Variants in IGSF23 observed in about 807,000 individuals in gnomAD.
The protein encoded by IGSF23 is immunoglobulin superfamily member 23.
In IGSF23, 14 loss-of-function variants were observed where a neutral mutation model predicts 17.8. The observed-to-expected ratio is 0.79, with a 90% CI of 0.52 to 1.23. The LOEUF is 1.23. IGSF23 is among the 50% of genes most tolerant of loss of function. IGSF23 has a pLI of 0.00. For missense variants in IGSF23, 214 were observed against 241.7 expected (o/e 0.89, Z 0.76); for synonymous variants, 85 against 92.5 (o/e 0.92, Z 0.46).
intron 3 of IGSF23, among the ~76,000 whole-genome samples, chr19:44,628,141 C>T (rs150611785): frequency 4.6e-5 from 7 of 152,092 alleles, no homozygotes; most frequent in East Asian, 1.9e-4. Flanking sequence ...GACAGGGTTT[C>T]GCCATGTTGG....
intron 2 of IGSF23, among the ~76,000 whole-genome samples, chr19:44,626,715 T>C (rs1305725160): frequency 6.6e-6 from 1 of 151,854 alleles, no homozygotes; most frequent in Admixed American, 6.6e-5. Context: ...CTGGCCAACA[T>C]GGTGAAGTAG....
chr19:44,630,142 A>G (rs1268432702), intron 3 of IGSF23, among the ~76,000 whole-genome samples: 1 of 152,146 alleles, frequency 6.6e-6, no homozygotes, highest in Non-Finnish European at 1.5e-5. Flanking sequence ...GTTGTGAGGA[A>G]GAGAAATCTG....
At position 44,627,400 on chromosome 19, in the gene IGSF23, C is replaced by G. The variant is rs1209314780; in HGVS notation, c.392-20C>G. Reference sequence around the variant, plus strand: ...GGCGGGCAGATGGCTCCTCCAATCTCACCCCTCCTTGGTCCCCAGAACCCA... The same window carrying G: ...GGCGGGCAGATGGCTCCTCCAATCTGACCCCTCCTTGGTCCCCAGAACCCA... On this transcript the variant is annotated intron_variant, in intron 2 of 4. Transcript: ENST00000402988. 1 of 1,493,828 alleles carries G rather than the reference C, an allele frequency of 6.7e-7. No homozygotes were observed. The highest frequency in any genetic ancestry group is 9.0e-7 in the Non-Finnish European group (1 of 1,110,664). 92.5% of individuals were successfully genotyped at this position (1,493,828 alleles called of 1,614,324 possible). A position where few individuals can be genotyped will look rare whatever the true frequency, so the allele number is the denominator to read the frequency against.
At chr19:44,627,792 G>A (rs1972687300) in intron 3 of IGSF23, among the ~76,000 whole-genome samples, 2 of 152,196 alleles carry the variant, frequency 1.3e-5, no homozygotes, top group Admixed American at 1.3e-4. Flanking sequence ...CTGGCTTCAA[G>A]TCCCAGCTCT....
intron 2 of IGSF23, among the ~76,000 whole-genome samples, chr19:44,625,990 T>C (rs1390547214): frequency 6.6e-6 from 1 of 152,166 alleles, no homozygotes; most frequent in Non-Finnish European, 1.5e-5. Flanking sequence ...CATGTGGAAC[T>C]GGGAGTCCAT....
At chr19:44,627,928 T>A (rs373569052) in intron 3 of IGSF23, among the ~76,000 whole-genome samples, 26 of 150,616 alleles carry the variant, frequency 1.7e-4, no homozygotes, top group African/African-American at 6.3e-4. Context: ...TGGGTTGTTG[T>A]GAGTGAATTT....
At chr19:44,614,634 G>C (rs1469808570) in intron 1 of IGSF23, among the ~76,000 whole-genome samples, 8 of 151,996 alleles carry the variant, frequency 5.3e-5, no homozygotes, top group Non-Finnish European at 1.5e-5. Flanking sequence ...GTCTTACTAT[G>C]TTGCCCAGGC....
At chr19:44,625,701 G>A (rs1194879914) in intron 2 of IGSF23, among the ~76,000 whole-genome samples, 1 of 152,080 alleles carries the variant, frequency 6.6e-6, no homozygotes, top group Admixed American at 6.6e-5. Flanking sequence ...ATTCATGGAG[G>A]GACACATGGT....
At chr19:44,616,756 A>C (rs1485024933) in intron 1 of IGSF23, among the ~76,000 whole-genome samples, 1 of 151,912 alleles carries the variant, frequency 6.6e-6, no homozygotes, top group Admixed American at 6.6e-5. Flanking sequence ...CTTGAAAAAA[A>C]AAAACAGTAA....
rs543189270 is a variant in IGSF23, at chr19:44,623,751, G to C, written c.170G>C (p.Gly57Ala). 3 of 1,551,072 alleles carry C rather than the reference G, an allele frequency of 1.9e-6. No individual in the cohort carries two copies. Among genetic ancestry groups the C allele is most frequent in the African/African-American group, 2.7e-5 (2 of 73,166 alleles). Residue 57 changes from glycine (G) to alanine (A), a missense_variant, in exon 2 of 5, where the codon GGA (glycine) becomes GCA (alanine). Physicochemically the swap from Gly to Ala is moderately conservative, Grantham distance 60. Coordinates refer to ENST00000402988, the MANE Select transcript of IGSF23 (RefSeq NM_001205280.2). ...AAGACATTCCCAGCTGCTATCCGGG[G>C]AGTCATCCAGAGTGAGCTCAACTAT... ...PLKTFPAAIR[G>A]VIQSELNYSV...
intron 3 of IGSF23, among the ~76,000 whole-genome samples, chr19:44,629,607 G>A (rs1972723554): frequency 6.8e-6 from 1 of 146,382 alleles, no homozygotes; most frequent in African/African-American, 2.5e-5. Context: ...ATCTTACCAT[G>A]TATTGAGCAC....
chr19:44,625,992 G>T (rs1309948967), intron 2 of IGSF23, among the ~76,000 whole-genome samples: 1 of 152,068 alleles, frequency 6.6e-6, no homozygotes, highest in Non-Finnish European at 1.5e-5. Context: ...TGTGGAACTG[G>T]GAGTCCATTA....
intron 1 of IGSF23, among the ~76,000 whole-genome samples, chr19:44,621,988 G>A (rs1050781710): frequency 4.0e-5 from 6 of 151,892 alleles, no homozygotes; most frequent in Non-Finnish European, 5.9e-5. Flanking sequence ...TTGGGAGGCC[G>A]AGGCGGGTGG....
At position 44,623,986 on chromosome 19, in the gene IGSF23, T is replaced by G. The variant is rs1049073266; in HGVS notation, c.391+14T>G. The G allele has an allele frequency of 1.3e-6, 2 of 1,540,702 alleles. No homozygotes were observed. Among genetic ancestry groups the G allele is most frequent in the Non-Finnish European group, 1.7e-6 (2 of 1,143,252 alleles). On this transcript the variant is annotated intron_variant, in intron 2 of 4. Coordinates refer to ENST00000402988, the MANE Select transcript of IGSF23 (RefSeq NM_001205280.2). ...TCTCGCTGCCAAGTGAGTCCCCCATTCCACCCCACCCCACCCCACCCAAGA... is the reference window on the plus strand; with the variant it reads ...TCTCGCTGCCAAGTGAGTCCCCCATGCCACCCCACCCCACCCCACCCAAGA...
intron 1 of IGSF23, among the ~76,000 whole-genome samples, chr19:44,621,175 C>T (rs1972510615): frequency 6.6e-6 from 1 of 151,056 alleles, no homozygotes; most frequent in South Asian, 2.1e-4. Flanking sequence ...CCCAGCTACT[C>T]AGGAGGCTGA....
At chr19:44,618,245 G>A in intron 1 of IGSF23, 1 of 469,216 alleles carries the variant, frequency 2.1e-6, no homozygotes, top group South Asian at 1.6e-5. Context: ...CAGCAGCCAT[G>A]ATATTCTCCC....
chr19:44,613,585 G>C lies in IGSF23; in HGVS notation c.-61G>C. The C allele has an allele frequency of 1.3e-6, 2 of 1,486,702 alleles. No homozygotes were observed. Among genetic ancestry groups the C allele is most frequent in the Non-Finnish European group, 1.8e-6 (2 of 1,109,376 alleles). 92.1% of individuals were successfully genotyped at this position (1,486,702 alleles called of 1,614,324 possible). A position where few individuals can be genotyped will look rare whatever the true frequency, so the allele number is the denominator to read the frequency against. ...GCCATTCCTTGCCTTTGATGTGAGT[G>C]ATAGGAGCGGGCGATTCTGCTTCTC... On this transcript the variant is annotated 5_prime_UTR_variant, in exon 1 of 5. Coordinates refer to ENST00000402988, the MANE Select transcript of IGSF23 (RefSeq NM_001205280.2).
chr19:44,613,930 G>A (rs764892091), intron 1 of IGSF23, 160 bp downstream of exon 1: 786 of 1,547,178 alleles, frequency 5.1e-4, no homozygotes, highest in Middle Eastern at 2.5e-3. Context: ...AACACGAGAT[G>A]AGGGGTCCTC....
chr19:44,617,849 C>T (rs1404437273), intron 1 of IGSF23, among the ~76,000 whole-genome samples: 1 of 152,194 alleles, frequency 6.6e-6, no homozygotes, highest in Non-Finnish European at 1.5e-5. Flanking sequence ...TACTCCCCCG[C>T]TGCCCTCTCC....
Sources: allele counts gnomAD v4.1 joint callset (sites outside exome capture counted in the v4.1 genomes callset), GRCh38; gene constraint gnomAD v4.1.1; transcripts MANE v1.5; gene names NCBI Gene and HGNC (gene_info 2026-07-23, HGNC 2026-07-21).